Variants in USH2A observed in about 807,000 individuals in gnomAD.
USH2A encodes the protein Usher syndrome 2A (autosomal recessive, mild).
A neutral mutation model predicts 538.9 loss-of-function variants in USH2A; 443 were observed. The ratio of observed to expected loss-of-function variants is 0.82; its 90% CI spans 0.76 to 0.89. USH2A has a LOEUF of 0.89. Among genes scored for constraint, USH2A ranks in the 40% least tolerant of loss-of-function variants. The probability of loss-of-function intolerance (pLI) is 0.00; values close to 1 mark genes in which losing one functional copy is unlikely to be tolerated. For missense variants in USH2A, 6,633 were observed against 6,324.8 expected (o/e 1.05, Z -1.65); for synonymous variants, 2,413 against 2,273.5 (o/e 1.06, Z -1.75).
chr1:216,401,515 T>G (rs995539326), intron 3 of USH2A, among the ~76,000 whole-genome samples: 1 of 152,072 alleles, frequency 6.6e-6, no homozygotes. Flanking sequence ...AATATAAACT[T>G]AATTTTTAAA....
intron 21 of USH2A, among the ~76,000 whole-genome samples, chr1:216,155,799 CT>C: frequency 1.3e-5 from 2 of 152,260 alleles, no homozygotes; most frequent in South Asian, 2.1e-4. Context: ...TAGATCCATG[CT>C]GGGATTCAGA....
chr1:216,387,898 G>A (rs1208360280), intron 3 of USH2A, among the ~76,000 whole-genome samples: 2 of 152,128 alleles, frequency 1.3e-5, no homozygotes, highest in East Asian at 1.9e-4. Context: ...AAATTCTGGT[G>A]TGGGAATTCT....
intron 21 of USH2A, among the ~76,000 whole-genome samples, chr1:216,104,994 G>T (rs1363610787): frequency 6.6e-6 from 1 of 152,110 alleles, no homozygotes; most frequent in African/African-American, 2.4e-5. Context: ...CAAAAAGTGG[G>T]CGAAGGATAT....
At chr1:216,284,778 A>T (rs567415793) in intron 11 of USH2A, among the ~76,000 whole-genome samples, 1 of 152,316 alleles carries the variant, frequency 6.6e-6, no homozygotes, top group Admixed American at 6.5e-5. Context: ...GACTTGTTGA[A>T]TGGCTTTGAC....
chr1:215,767,418 T>A (rs1242148986), intron 55 of USH2A, among the ~76,000 whole-genome samples: 1 of 152,220 alleles, frequency 6.6e-6, no homozygotes, highest in Non-Finnish European at 1.5e-5. Context: ...TCAACTCATA[T>A]TAACGCTAAC....
At chr1:216,403,539 T>C (rs2039342735) in intron 3 of USH2A, among the ~76,000 whole-genome samples, 1 of 152,110 alleles carries the variant, frequency 6.6e-6, no homozygotes, top group Non-Finnish European at 1.5e-5. Flanking sequence ...AAATAAAGAA[T>C]TTCCAGAACT....
At chr1:215,639,630 C>A (rs1304231932) in intron 68 of USH2A, among the ~76,000 whole-genome samples, 2 of 152,040 alleles carry the variant, frequency 1.3e-5, no homozygotes, top group Non-Finnish European at 2.9e-5. Flanking sequence ...AAAAGGGATC[C>A]TAGAAATCAC....
At chr1:215,994,123 A>T (rs535522036) in intron 34 of USH2A, among the ~76,000 whole-genome samples, 2 of 152,322 alleles carry the variant, frequency 1.3e-5, no homozygotes, top group South Asian at 2.1e-4. Flanking sequence ...TGATACAACA[A>T]AGTTTAAAAA....
At chr1:216,321,424 T>A (rs2037608095) in intron 9 of USH2A, among the ~76,000 whole-genome samples, 2 of 152,314 alleles carry the variant, frequency 1.3e-5, no homozygotes, top group South Asian at 4.1e-4. Flanking sequence ...TTAATTAAAA[T>A]GCCTGATATT....
intron 32 of USH2A, among the ~76,000 whole-genome samples, chr1:216,035,105 G>A (rs952719379): frequency 2.0e-5 from 3 of 152,128 alleles, no homozygotes; most frequent in Non-Finnish European, 4.4e-5. Flanking sequence ...TCTCTAATAT[G>A]TTTTAGGTAT....
At chr1:216,199,492 TA>T in intron 17 of USH2A, 134 bp downstream of exon 17, 1 of 1,322,228 alleles carries the variant, frequency 7.6e-7, no homozygotes, top group Non-Finnish European at 1.1e-6. Flanking sequence ...CTTATATCTT[TA>T]GAAACTGTTT....
At chr1:216,273,579 T>C (rs111686956) in intron 11 of USH2A, among the ~76,000 whole-genome samples, 1,596 of 152,242 alleles carry the variant, frequency 0.01, 31 homozygotes, top group African/African-American at 0.036. Context: ...GTTTCTGTTA[T>C]TCACTGTAAT....
chr1:215,982,906 G>A (rs1011788184), intron 35 of USH2A, among the ~76,000 whole-genome samples: 4 of 152,092 alleles, frequency 2.6e-5, no homozygotes, highest in East Asian at 3.9e-4. Flanking sequence ...GGTAGGATAC[G>A]TAATAGGGCT....
chr1:215,883,950 G>C (rs1459121671), intron 41 of USH2A, among the ~76,000 whole-genome samples: 2 of 152,046 alleles, frequency 1.3e-5, no homozygotes, highest in East Asian at 1.9e-4. Context: ...ACTAACACAG[G>C]AACAGAAAAC....
intron 47 of USH2A, among the ~76,000 whole-genome samples, chr1:215,834,238 T>C (rs981326983): frequency 2.6e-5 from 4 of 152,116 alleles, no homozygotes; most frequent in Non-Finnish European, 4.4e-5. Context: ...AACCTGTATA[T>C]AGATGTTTTA....
chr1:216,098,417 T>A (rs1481248512), intron 21 of USH2A, among the ~76,000 whole-genome samples: 1 of 152,058 alleles, frequency 6.6e-6, no homozygotes, highest in Non-Finnish European at 1.5e-5. Flanking sequence ...CTGATTTGAG[T>A]AAAAATACAG....
At chr1:215,966,022 T>C (rs1254475195) in intron 36 of USH2A, among the ~76,000 whole-genome samples, 1 of 151,974 alleles carries the variant, frequency 6.6e-6, no homozygotes, top group Non-Finnish European at 1.5e-5. Flanking sequence ...TTATGAGCTA[T>C]GTTGCTATCA....
intron 21 of USH2A, among the ~76,000 whole-genome samples, chr1:216,140,392 C>T (rs566601784): frequency 1.3e-5 from 2 of 152,236 alleles, no homozygotes; most frequent in East Asian, 1.9e-4. Context: ...ATAGATTGTG[C>T]CGTGTCTGCT....
At position 216,359,428 on chromosome 1, in the gene USH2A, T is replaced by C. The variant is rs147598595; in HGVS notation, c.784+5525A>G. 4.7e-3 allele frequency among the ~76,000 whole-genome samples: 708 copies of C among 152,212 alleles called. 7 individuals are homozygous for C. Among genetic ancestry groups the C allele is most frequent in the African/African-American group, 0.016 (674 of 41,568 alleles). ...AATTATATATTAAACCACCATTTAATAGATTAGAAACCAGACTTAAAGAGA... is the reference window on the plus strand; with the variant it reads ...AATTATATATTAAACCACCATTTAACAGATTAGAAACCAGACTTAAAGAGA... On this transcript the variant is annotated intron_variant, in intron 4 of 71. Coordinates refer to ENST00000307340, the MANE Select transcript of USH2A (RefSeq NM_206933.4).
Sources: allele counts gnomAD v4.1 joint callset (sites outside exome capture counted in the v4.1 genomes callset), GRCh38; gene constraint gnomAD v4.1.1; transcripts MANE v1.5; gene names NCBI Gene and HGNC (gene_info 2026-07-23, HGNC 2026-07-21).